The following RNF220 variants were observed in gnomAD, a reference collection of about 807,000 sequenced individuals.
RNF220 encodes E3 ubiquitin-protein ligase RNF220.
In RNF220, 7 loss-of-function variants were observed where a neutral mutation model predicts 67.1. The ratio of observed to expected loss-of-function variants is 0.10; its 90% CI spans 0.06 to 0.20. The LOEUF is 0.20. RNF220 is among the 10% of genes least tolerant of loss of function. The pLI is 1.00. For synonymous variants in RNF220, 270 were observed against 283.2 expected (o/e 0.95, Z 0.47); for missense variants, 565 against 740.3 (o/e 0.76, Z 2.75).
At chr1:44,549,747 C>T (rs1662471651) in intron 2 of RNF220, among the ~76,000 whole-genome samples, 1 of 152,236 alleles carries the variant, frequency 6.6e-6, no homozygotes, top group Non-Finnish European at 1.5e-5. Context: ...GTTAGGTAAA[C>T]ACGCCAAGCT....
intron 2 of RNF220, among the ~76,000 whole-genome samples, chr1:44,501,536 T>C (rs1010338439): frequency 5.5e-5 from 8 of 144,474 alleles, no homozygotes; most frequent in Admixed American, 4.0e-4. Context: ...CAGAGAAGCA[T>C]GGGGTTATTG....
intron 2 of RNF220, among the ~76,000 whole-genome samples, chr1:44,587,533 C>T (rs74070541): frequency 0.024 from 3,690 of 152,252 alleles, 142 homozygotes; most frequent in African/African-American, 0.084. Flanking sequence ...GGAACATTCC[C>T]GCCCCCTCTG....
At chr1:44,487,377 TAA>T (rs1656406563) in intron 2 of RNF220, among the ~76,000 whole-genome samples, 1 of 150,944 alleles carries the variant, frequency 6.6e-6, no homozygotes, top group African/African-American at 2.4e-5. Context: ...TTTTAAAAAA[TAA>T]AAAATAAAAT....
At chr1:44,627,641 A>T (rs1366816821) in intron 5 of RNF220, among the ~76,000 whole-genome samples, 1 of 152,206 alleles carries the variant, frequency 6.6e-6, no homozygotes, top group East Asian at 1.9e-4. Flanking sequence ...GAGCCGTTAG[A>T]TGAAAGAGAA....
At chr1:44,574,252 T>C (rs186414526) in intron 2 of RNF220, among the ~76,000 whole-genome samples, 1 of 152,354 alleles carries the variant, frequency 6.6e-6, no homozygotes, top group East Asian at 1.9e-4. Flanking sequence ...GCCCTTGCCC[T>C]CTGGAGTGCC....
At chr1:44,427,795 AAT>A (rs914129368) in intron 2 of RNF220, among the ~76,000 whole-genome samples, 46 of 152,316 alleles carry the variant, frequency 3.0e-4, no homozygotes, top group African/African-American at 1.1e-3. Context: ...AGAAAATACA[AAT>A]AAAGTCCTAG....
intron 2 of RNF220, among the ~76,000 whole-genome samples, chr1:44,488,199 G>C (rs1159105448): frequency 6.7e-6 from 1 of 148,866 alleles, no homozygotes; most frequent in African/African-American, 2.5e-5. Context: ...TCAGTGGCAC[G>C]ATCTCGGCTC....
intron 5 of RNF220, among the ~76,000 whole-genome samples, chr1:44,630,215 G>A (rs368731506): frequency 1.4e-4 from 21 of 152,210 alleles, no homozygotes; most frequent in African/African-American, 5.1e-4. Flanking sequence ...TAAGATTAAA[G>A]GCATGAGCCT....
intron 2 of RNF220, among the ~76,000 whole-genome samples, chr1:44,518,338 T>A (rs1409060352): frequency 1.3e-5 from 2 of 152,026 alleles, no homozygotes; most frequent in Admixed American, 1.3e-4. Flanking sequence ...GATAGGAGGA[T>A]CGCTTGAGCT....
At chr1:44,462,170 T>C (rs1653839663) in intron 2 of RNF220, among the ~76,000 whole-genome samples, 1 of 152,004 alleles carries the variant, frequency 6.6e-6, no homozygotes, top group Admixed American at 6.6e-5. Flanking sequence ...CCTGCTCAAG[T>C]GATCCGCCCG....
At chr1:44,416,299 G>C (rs1032016822) in intron 2 of RNF220, among the ~76,000 whole-genome samples, 2 of 152,134 alleles carry the variant, frequency 1.3e-5, no homozygotes, top group African/African-American at 4.8e-5. Flanking sequence ...TAAAATTTAC[G>C]GACCAATTAC....
rs778862140 is a variant in RNF220, at chr1:44,535,218, G to T, written c.626-78947G>T. 5.8e-5 allele frequency among the ~76,000 whole-genome samples: 8 copies of T among 137,064 alleles called. No homozygotes were observed. In the East Asian group the frequency reaches 1.4e-3, roughly 24 times the overall value. The allele number at this position is 137,064 out of a possible 152,430, so 89.9% of individuals were successfully genotyped here. On this transcript the variant is annotated intron_variant, in intron 2 of 14. Transcript: ENST00000361799. Reference sequence around the variant, plus strand: ...TGCAGTGGCACGATTTCAGCTCACCGCAACCTCTGCCTCCCTGGGTTCAGC... The same window carrying T: ...TGCAGTGGCACGATTTCAGCTCACCTCAACCTCTGCCTCCCTGGGTTCAGC...
rs529477454 is a variant in RNF220 at position 44,617,315 on chromosome 1, G to A, written c.758+3018G>A. 1.9e-4 allele frequency among the ~76,000 whole-genome samples: 29 copies of A among 152,114 alleles called. No individual in the cohort carries two copies. The South Asian group carries it at 3.5e-3, about 19-fold the overall frequency. The stretch of plus-strand genomic sequence containing the variant: ...GGACCGGCCGGCAAAGGCGTTCAAG[G>A]GCAGCCGCGCCCGCGCCCCCTCCCC... On this transcript the variant is annotated intron_variant, in intron 3 of 14. Coordinates refer to ENST00000361799, the MANE Select transcript of RNF220 (RefSeq NM_018150.4).
chr1:44,586,299 G>A lies in RNF220; in HGVS notation c.626-27866G>A, dbSNP rs139343774. Among the ~76,000 whole-genome samples the A allele has an allele frequency of 1.6e-3, 237 of 152,318 alleles. 2 individuals are homozygous for A. Among genetic ancestry groups the A allele is most frequent in the South Asian group, 0.015 (73 of 4,824 alleles). On this transcript the variant is annotated intron_variant, in intron 2 of 14. Coordinates refer to ENST00000361799, the MANE Select transcript of RNF220 (RefSeq NM_018150.4). Reference sequence around the variant, plus strand: ...AGGAGAGACATCAAATTGGAGGCAGGTTTGGGAGTCCTGGAAAGTTGACGT... The same window carrying A: ...AGGAGAGACATCAAATTGGAGGCAGATTTGGGAGTCCTGGAAAGTTGACGT...
intron 2 of RNF220, among the ~76,000 whole-genome samples, chr1:44,493,111 A>T (rs2148057893): frequency 6.6e-6 from 1 of 152,282 alleles, no homozygotes; most frequent in Admixed American, 6.5e-5. Context: ...CTCCATATTG[A>T]CCTCATGTGA....
At chr1:44,436,493 G>A (rs1650989321) in intron 2 of RNF220, among the ~76,000 whole-genome samples, 1 of 152,170 alleles carries the variant, frequency 6.6e-6, no homozygotes, top group African/African-American at 2.4e-5. Context: ...AAAGGCCAGG[G>A]GAGGGACTTG....
intron 2 of RNF220, among the ~76,000 whole-genome samples, chr1:44,465,644 G>A (rs1654210587): frequency 1.3e-5 from 2 of 152,100 alleles, no homozygotes; most frequent in Admixed American, 1.3e-4. Flanking sequence ...ATACCTTAGA[G>A]ATGTTGAAGA....
rs1648113234 is a variant in RNF220 at position 44,412,852 on chromosome 1, TG to T, written c.625+132del. 1 of 1,020,224 alleles carries T rather than the reference TG, an allele frequency of 9.8e-7. No individual in the cohort carries two copies. Among genetic ancestry groups the T allele is most frequent in the Admixed American group, 2.3e-5 (1 of 43,280 alleles). 63.2% of individuals were successfully genotyped at this position (1,020,224 alleles called of 1,614,324 possible). Reference sequence around the variant, plus strand: ...CCAACTACTTCCCTTTCACTAGCTGTGGAGTGCTAACCTTTGCTTGTCTCTT... The same window carrying T: ...CCAACTACTTCCCTTTCACTAGCTGTGAGTGCTAACCTTTGCTTGTCTCTT... On this transcript the variant is annotated intron_variant, in intron 2 of 14. Transcript: ENST00000361799. This position sits in a 1 kb window ranked among gnomAD's most constrained non-coding sequence, Gnocchi z 5.3.
chr1:44,560,388 C>CCAT (rs987317042), intron 2 of RNF220, among the ~76,000 whole-genome samples: 3 of 152,244 alleles, frequency 2.0e-5, no homozygotes, highest in East Asian at 1.9e-4. Context: ...GTCTTTCTTG[C>CCAT]CATCATCAGT....
Sources: gnomAD v4.1 joint callset for allele counts (sites outside exome capture counted in the v4.1 genomes callset) on GRCh38, gnomAD v4.1.1 for gene constraint, Gnocchi (gnomAD v3.1) non-coding constraint, MANE v1.5 for transcripts, NCBI Gene and HGNC (gene_info 2026-07-23, HGNC 2026-07-21) for gene names.